Variants in ZMAT4 observed in about 807,000 individuals in gnomAD.
ZMAT4 encodes zinc finger matrin-type protein 4.
In ZMAT4, 17 loss-of-function variants were observed where a neutral mutation model predicts 28.7. That is an observed-to-expected ratio of 0.59 (90% confidence interval 0.41 to 0.89). The LOEUF (loss-of-function observed/expected upper bound fraction) is 0.89. Ranked by LOEUF, ZMAT4 falls within the 40% of genes least tolerant of loss-of-function variation. ZMAT4 has a pLI of 0.00. For missense variants in ZMAT4, 240 were observed against 283.8 expected (o/e 0.85, Z 1.11); for synonymous variants, 117 against 109.2 (o/e 1.07, Z -0.44).
At chr8:40,548,797 T>C in intron 6 of ZMAT4, among the ~76,000 whole-genome samples, 1 of 152,144 alleles carries the variant, frequency 6.6e-6, no homozygotes, top group East Asian at 1.9e-4. Flanking sequence ...CTTTGTCCAT[T>C]TGGTGAAAAA....
intron 5 of ZMAT4, among the ~76,000 whole-genome samples, chr8:40,594,976 C>G (rs1011982583): frequency 2.0e-5 from 3 of 152,164 alleles, no homozygotes; most frequent in African/African-American, 7.2e-5. Context: ...GCTGTTGACA[C>G]AGTGGATCTC....
chr8:40,687,951 A>G lies in ZMAT4; in HGVS notation c.349+9294T>C, dbSNP rs546082880. ...TGATCTCAACAAGTGGCAAGAGAGCAGCAATCCTTCCTTCAGATGACTGAG... is the reference window on the plus strand; with the variant it reads ...TGATCTCAACAAGTGGCAAGAGAGCGGCAATCCTTCCTTCAGATGACTGAG... On this transcript the variant is annotated intron_variant, in intron 4 of 6. Transcript: ENST00000297737. Among the ~76,000 whole-genome samples the G allele has an allele frequency of 9.0e-4, 137 of 152,324 alleles. 1 individual carries two copies. The highest frequency in any genetic ancestry group is 3.2e-3 in the African/African-American group (132 of 41,578).
At chr8:40,851,917 G>C (rs1475777056) in intron 1 of ZMAT4, among the ~76,000 whole-genome samples, 1 of 152,024 alleles carries the variant, frequency 6.6e-6, no homozygotes, top group Non-Finnish European at 1.5e-5. Context: ...TATTTTTTGA[G>C]ATGGGGTCTC....
chr8:40,647,244 G>A (rs537686525), intron 5 of ZMAT4, among the ~76,000 whole-genome samples: 3 of 152,334 alleles, frequency 2.0e-5, no homozygotes, highest in East Asian at 1.9e-4. Context: ...GAAGCAGGGC[G>A]AGGCATTGCC....
intron 3 of ZMAT4, among the ~76,000 whole-genome samples, chr8:40,716,552 T>C (rs1484304369): frequency 6.6e-6 from 1 of 151,974 alleles, no homozygotes; most frequent in African/African-American, 2.4e-5. Flanking sequence ...ATTAGCTGGG[T>C]GTGGTGGTGC....
At chr8:40,895,963 C>T in intron 1 of ZMAT4, among the ~76,000 whole-genome samples, 1 of 152,142 alleles carries the variant, frequency 6.6e-6, no homozygotes, top group East Asian at 1.9e-4. Context: ...CCGCTCCAGG[C>T]CCCCCAAACA....
chr8:40,703,950 G>A (rs1195948426), intron 3 of ZMAT4, among the ~76,000 whole-genome samples: 1 of 152,110 alleles, frequency 6.6e-6, no homozygotes, highest in Non-Finnish European at 1.5e-5. Context: ...GTAGTATATG[G>A]AATTTCTTTG....
At chr8:40,889,075 G>C (rs948465262) in intron 1 of ZMAT4, among the ~76,000 whole-genome samples, 3 of 152,202 alleles carry the variant, frequency 2.0e-5, no homozygotes, top group Non-Finnish European at 2.9e-5. Context: ...ACAGCCTTTT[G>C]CTCGGAGCCT....
rs1295365086 is a variant in ZMAT4 at position 40,531,977 on chromosome 8, A to G, written c.*246T>C. ...TTATAATTTAGAACATGTGCTAAAT[A>G]TGTTATCAGGAAAGAATTTAAAAAT... is the stretch of plus-strand genomic sequence containing the variant. On this transcript the variant is annotated 3_prime_UTR_variant, in exon 7 of 7. Transcript: ENST00000297737. The G allele has an allele frequency of 2.7e-6, 1 of 367,230 alleles. No individual in the cohort carries two copies. Among genetic ancestry groups the G allele is most frequent in the Non-Finnish European group, 4.8e-6 (1 of 206,484 alleles). 22.7% of individuals were successfully genotyped at this position (367,230 alleles called of 1,614,324 possible). A position where few individuals can be genotyped will look rare whatever the true frequency, so the allele number is the denominator to read the frequency against.
At chr8:40,629,627 G>A (rs9643876) in intron 5 of ZMAT4, among the ~76,000 whole-genome samples, 83,313 of 146,746 alleles carry the variant, frequency 0.57, 24,561 homozygotes, top group East Asian at 0.69. Context: ...TCATTGTTCA[G>A]TTCCCACCTA....
At chr8:40,877,801 A>G (rs1187201784) in intron 1 of ZMAT4, among the ~76,000 whole-genome samples, 1 of 152,146 alleles carries the variant, frequency 6.6e-6, no homozygotes, top group African/African-American at 2.4e-5. Flanking sequence ...AAAAATCAGC[A>G]TCACACCAGC....
At chr8:40,719,989 C>T (rs578078423) in intron 3 of ZMAT4, among the ~76,000 whole-genome samples, 1 of 152,340 alleles carries the variant, frequency 6.6e-6, no homozygotes, top group Non-Finnish European at 1.5e-5. Context: ...GATCTGTAGA[C>T]AATTCCACCA....
At chr8:40,772,316 T>G (rs908514387) in intron 2 of ZMAT4, among the ~76,000 whole-genome samples, 1 of 152,170 alleles carries the variant, frequency 6.6e-6, no homozygotes, top group Non-Finnish European at 1.5e-5. Flanking sequence ...CTCAAGGAAA[T>G]AGTCTAAAAT....
At chr8:40,778,493 G>A (rs1376239717) in intron 2 of ZMAT4, among the ~76,000 whole-genome samples, 1 of 152,194 alleles carries the variant, frequency 6.6e-6, no homozygotes, top group East Asian at 1.9e-4. Flanking sequence ...TCTCACCAGT[G>A]CAGCTGGGGC....
At chr8:40,769,730 A>G (rs1042835816) in intron 2 of ZMAT4, among the ~76,000 whole-genome samples, 4 of 151,886 alleles carry the variant, frequency 2.6e-5, no homozygotes, top group Non-Finnish European at 5.9e-5. Context: ...CTGGATTTCC[A>G]GAGAATGAAA....
intron 3 of ZMAT4, among the ~76,000 whole-genome samples, chr8:40,726,735 G>A (rs1811330676): frequency 6.6e-6 from 1 of 152,176 alleles, no homozygotes; most frequent in South Asian, 2.1e-4. Flanking sequence ...TAGTCTCAGT[G>A]GCTGCTTTTG....
intron 5 of ZMAT4, among the ~76,000 whole-genome samples, chr8:40,601,403 A>AG (rs373158955): frequency 0.49 from 29,541 of 60,310 alleles, 8,704 homozygotes; most frequent in Non-Finnish European, 0.54. Flanking sequence ...GAAGGAGGAA[A>AG]GAAAGGAAGG....
intron 1 of ZMAT4, among the ~76,000 whole-genome samples, chr8:40,869,718 C>G (rs997422285): frequency 2.0e-5 from 3 of 152,072 alleles, no homozygotes; most frequent in African/African-American, 7.2e-5. Flanking sequence ...CGAACAATAC[C>G]CAGTGTTATA....
At chr8:40,562,830 C>G (rs1412251982) in intron 6 of ZMAT4, among the ~76,000 whole-genome samples, 1 of 152,172 alleles carries the variant, frequency 6.6e-6, no homozygotes, top group Non-Finnish European at 1.5e-5. Flanking sequence ...TTCTGAAGCA[C>G]TAATCTGTCC....
Sources: allele counts gnomAD v4.1 joint callset (sites outside exome capture counted in the v4.1 genomes callset), GRCh38; gene constraint gnomAD v4.1.1; transcripts MANE v1.5; gene names NCBI Gene and HGNC (gene_info 2026-07-23, HGNC 2026-07-21).